The following SERPINA9 variants were observed in gnomAD, a reference collection of about 807,000 sequenced individuals.
The protein encoded by SERPINA9 is serpin A9.
Under a neutral mutation model 24.5 loss-of-function variants are expected in SERPINA9, and 32 were observed. The ratio of observed to expected loss-of-function variants is 1.30; its 90% CI spans 0.98 to 1.75. The LOEUF (loss-of-function observed/expected upper bound fraction) is 1.75. Among genes scored for constraint, SERPINA9 ranks in the 40% most tolerant of loss-of-function variants. The probability of loss-of-function intolerance (pLI) is 0.00; values close to 1 mark genes in which losing one functional copy is unlikely to be tolerated. For missense variants in SERPINA9, 594 were observed against 497.1 expected (o/e 1.19, Z -1.85); for synonymous variants, 233 against 197.7 (o/e 1.18, Z -1.50).
chr14:94,475,993 A>T (rs527952787), intron 1 of SERPINA9, 143 bp downstream of exon 1: 1 of 1,309,404 alleles, frequency 7.6e-7, no homozygotes, highest in African/African-American at 1.5e-5. Context: ...AGATGCTACT[A>T]AAAGCCAACT....
In SERPINA9 at chr14:94,469,293, G is replaced by A. The variant is rs371514591; in HGVS notation, c.548C>T (p.Thr183Ile). 6.0e-5 allele frequency: 97 copies of A among 1,614,180 alleles called. No homozygotes were observed. The African/African-American group carries it at 8.1e-4, about 14-fold the overall frequency. Residue 183 changes from threonine (T) to isoleucine (I), a missense_variant, in exon 2 of 5, where the codon ACC becomes ATC. Thr to Ile is a moderately conservative substitution (Grantham distance 89). Transcript: ENST00000674397. ...ARINSHVKKK[T>I]QGKVVDIIQG... ...GATTATGTCTACAACCTTCCCTTGGGTCTTCTTTTTCACATGGCTGTTGAT... is the reference window on the plus strand; with the variant it reads ...GATTATGTCTACAACCTTCCCTTGGATCTTCTTTTTCACATGGCTGTTGAT...
rs1899178239 is a variant in SERPINA9, at chr14:94,469,320, C to T, written c.521G>A (p.Arg174Lys). 1 of 1,614,100 alleles carries T rather than the reference C, an allele frequency of 6.2e-7. No individual in the cohort carries two copies. The highest frequency in any genetic ancestry group is 8.5e-7 in the Non-Finnish European group (1 of 1,180,050). ...CTTCTTTTTCACATGGCTGTTGATC[C>T]TCGCCTGGGCAATGGAGGGGTTGGA... ...DFSNPSIAQA[R>K]INSHVKKKTQ... Residue 174 changes from arginine to lysine, a missense_variant, in exon 2 of 5, where the codon AGG (arginine) becomes AAG (lysine). Coordinates refer to ENST00000674397, the MANE Select transcript of SERPINA9 (RefSeq NM_175739.4).
At chr14:94,470,160 G>T in intron 1 of SERPINA9, 1 of 1,107,898 alleles carries the variant, frequency 9.0e-7, no homozygotes, top group Non-Finnish European at 1.1e-6. Flanking sequence ...CAAATCCCAT[G>T]CTTTTTGATG....
chr14:94,476,092 G>A (rs775454598), intron 1 of SERPINA9, 44 bp downstream of exon 1: 1 of 1,613,860 alleles, frequency 6.2e-7, no homozygotes, highest in Non-Finnish European at 8.5e-7. Flanking sequence ...CTCTGGCTCA[G>A]TGACACCACA....
At chr14:94,470,094 T>G in intron 1 of SERPINA9, 2 of 875,086 alleles carry the variant, frequency 2.3e-6, no homozygotes, top group Non-Finnish European at 3.0e-6. Flanking sequence ...TTACCCCAAA[T>G]AGCATGGTTG....
rs71129684 is a variant in SERPINA9, at chr14:94,464,270, CCTCTCTCTCT to C, written c.1050+427_1050+436del. 365 of 54,392 alleles carry C rather than the reference CCTCTCTCTCT, an allele frequency of 6.7e-3. 3 individuals are homozygous for C. Among genetic ancestry groups the C allele is most frequent in the East Asian group, 0.028 (115 of 4,068 alleles). The allele number at this position is 54,392 out of a possible 1,614,324, so 3.4% of individuals were successfully genotyped here. On this transcript the variant is annotated intron_variant, in intron 4 of 4. Transcript: ENST00000674397. ...ATCTAATATACTATGCTTTAAAACT[CCTCTCTCTCT>C]CTCTCTCTCTCTCTCTCTCTCTCTC... is the stretch of plus-strand genomic sequence containing the variant.
intron 3 of SERPINA9, among the ~76,000 whole-genome samples, chr14:94,465,746 C>A (rs543776897): frequency 1.3e-5 from 2 of 152,164 alleles, no homozygotes; most frequent in African/African-American, 2.4e-5. Flanking sequence ...CCAGGCTGGT[C>A]TTGAACTCCT....
chr14:94,475,571 A>C (rs1899569474), intron 1 of SERPINA9, among the ~76,000 whole-genome samples: 1 of 151,990 alleles, frequency 6.6e-6, no homozygotes, highest in African/African-American at 2.4e-5. Context: ...CTACTTTCCC[A>C]GTCGCCCCTC....
chr14:94,464,601 T>G, intron 4 of SERPINA9, 106 bp downstream of exon 4: 1 of 980,344 alleles, frequency 1.0e-6, no homozygotes, highest in Non-Finnish European at 1.5e-6. Context: ...GACCCTGACT[T>G]CACCTTTCAG....
At chr14:94,466,931 G>C (rs1039139239) in intron 3 of SERPINA9, among the ~76,000 whole-genome samples, 178 bp downstream of exon 3, 5 of 152,176 alleles carry the variant, frequency 3.3e-5, no homozygotes, top group Non-Finnish European at 7.3e-5. Context: ...TCCTCATCAG[G>C]TGATAGTGAA....
intron 1 of SERPINA9, among the ~76,000 whole-genome samples, chr14:94,474,325 T>C (rs1030207103): frequency 1.1e-3 from 163 of 152,272 alleles, no homozygotes; most frequent in African/African-American, 3.6e-3. Flanking sequence ...CTTGTTTCTT[T>C]TGGGCTTGGG....
chr14:94,473,605 C>T (rs1899434436), intron 1 of SERPINA9, among the ~76,000 whole-genome samples: 1 of 151,800 alleles, frequency 6.6e-6, no homozygotes, highest in Non-Finnish European at 1.5e-5. Context: ...AGACTGAAAC[C>T]CTGAGTTTCT....
Position 94,469,476 on chromosome 14 carries a change from G to C in SERPINA9, c.365C>G (p.Thr122Ser). Residue 122 changes from threonine to serine, a missense_variant, in exon 2 of 5, where the codon ACT becomes AGT. Physicochemically the swap from Thr to Ser is moderately conservative, Grantham distance 58. Transcript: ENST00000674397. ...QGFQHLVHSL[T>S]VPSKDLTLKM... The stretch of plus-strand genomic sequence containing the variant: ...CAAGGTCAGGTCTTTGCTGGGAACA[G>C]TCAGTGAGTGAACCAGGTGCTGGAA... 1 of 1,614,230 alleles carries C rather than the reference G, an allele frequency of 6.2e-7. No homozygotes were observed. The highest frequency in any genetic ancestry group is 8.5e-7 in the Non-Finnish European group (1 of 1,180,034).
chr14:94,469,904 G>A (rs776561643), intron 1 of SERPINA9, 47 bp from the exon 2 acceptor site: 14 of 1,459,294 alleles, frequency 9.6e-6, no homozygotes, highest in South Asian at 3.1e-5. Flanking sequence ...GAGGGTCCAG[G>A]CCCTGAATCA....
Position 94,469,875 on chromosome 14 carries a change from A to G in SERPINA9, c.-17-18T>C. The G allele has an allele frequency of 6.7e-7, 1 of 1,500,696 alleles. No homozygotes were observed. Among genetic ancestry groups the G allele is most frequent in the Non-Finnish European group, 8.9e-7 (1 of 1,125,080 alleles). 93.0% of individuals were successfully genotyped at this position (1,500,696 alleles called of 1,614,324 possible). ...AAATATGTCTGCAAGAGAAGTAAGAACCATTGAGGGGGTAAACTGAGGGTC... is the reference window on the plus strand; with the variant it reads ...AAATATGTCTGCAAGAGAAGTAAGAGCCATTGAGGGGGTAAACTGAGGGTC... On this transcript the variant is annotated intron_variant, in intron 1 of 4. Transcript: ENST00000674397.
At chr14:94,468,291 T>C (rs897847263) in intron 2 of SERPINA9, among the ~76,000 whole-genome samples, 2 of 152,142 alleles carry the variant, frequency 1.3e-5, no homozygotes, top group African/African-American at 4.8e-5. Flanking sequence ...AATGGATAGA[T>C]GGCTGGCTGG....
At position 94,469,604 on chromosome 14, in the gene SERPINA9, C is replaced by G. The variant is rs1293453672; in HGVS notation, c.237G>C (p.Leu79=). The change falls in exon 2 of 5, where the codon CTG becomes CTC. Residue 79 remains leucine, a synonymous_variant. Coordinates refer to ENST00000674397, the MANE Select transcript of SERPINA9 (RefSeq NM_175739.4). ...AGTGGGCCCCAAGGGAGAGCATGGC[C>G]AGGGAAGTGGAGACACTCACAGGGG... is the stretch of plus-strand genomic sequence containing the variant. ...FFSPVSVSTS[L]AMLSLGAHSV... is the part of the protein sequence containing the mutation. 6.2e-6 allele frequency: 10 copies of G among 1,613,954 alleles called. No individual in the cohort carries two copies. The East Asian group carries it at 2.0e-4, about 32-fold the overall frequency.
At chr14:94,474,975 T>A (rs1899511685) in intron 1 of SERPINA9, among the ~76,000 whole-genome samples, 1 of 152,094 alleles carries the variant, frequency 6.6e-6, no homozygotes, top group Non-Finnish European at 1.5e-5. Context: ...AGAGCTTTAT[T>A]TATTGGGCCC....
At position 94,467,118 on chromosome 14, in the gene SERPINA9, A is replaced by T. The variant is rs1401497567; in HGVS notation, c.893T>A (p.Leu298His). The change falls in exon 3 of 5, where the codon CTC becomes CAC. Residue 298 changes from leucine (L) to histidine (H), a missense_variant. Physicochemically the swap from Leu to His is moderately conservative, Grantham distance 99. Coordinates refer to ENST00000674397, the MANE Select transcript of SERPINA9 (RefSeq NM_175739.4). ...ARTLRKWSHS[L>H]QKRWIEVFIP... ...TGACACAGATGCCCACCTTTTCTGG[A>T]GTGAGTGGCTCCACTTTCTCAGTGT... is the stretch of plus-strand genomic sequence containing the variant. The T allele has an allele frequency of 6.2e-7, 1 of 1,613,740 alleles. No homozygotes were observed. The highest frequency in any genetic ancestry group is 1.1e-5 in the South Asian group (1 of 91,060).
Sources: allele counts gnomAD v4.1 joint callset (sites outside exome capture counted in the v4.1 genomes callset), GRCh38; gene constraint gnomAD v4.1.1; transcripts MANE v1.5; gene names NCBI Gene and HGNC (gene_info 2026-07-23, HGNC 2026-07-21).